KCTD1: variants seen among roughly 807,000 people sequenced by gnomAD.
The protein encoded by KCTD1 is potassium channel tetramerization domain containing 1.
KCTD1 carries 24 observed loss-of-function variants against 66.0 expected under a neutral mutation model. The observed-to-expected ratio is 0.36, with a 90% CI of 0.26 to 0.51. KCTD1 has a LOEUF of 0.51. Ranked by LOEUF, KCTD1 falls within the 20% of genes least tolerant of loss-of-function variation. KCTD1 has a pLI of 0.95. For missense variants in KCTD1, 943 were observed against 1,205.2 expected, an observed-to-expected ratio of 0.78 and a Z score of 3.22; for synonymous variants, 511 against 517.2, an observed-to-expected ratio of 0.99 and a Z score of 0.16.
chr18:26,595,509 A>G (rs1191619061), intron 1 of KCTD1, among the ~76,000 whole-genome samples: 3 of 152,160 alleles, frequency 2.0e-5, no homozygotes, highest in Non-Finnish European at 4.4e-5. Context: ...CTCGTGGGCG[A>G]TGTCCTTCCT....
chr18:26,558,391 T>C (rs1401977865), intron 1 of KCTD1, among the ~76,000 whole-genome samples: 2 of 152,116 alleles, frequency 1.3e-5, no homozygotes, highest in Non-Finnish European at 2.9e-5. Context: ...TGGAGAATAG[T>C]TTGGAGGTTC....
chr18:26,558,109 G>T (rs372086497), intron 1 of KCTD1, among the ~76,000 whole-genome samples: 1 of 152,194 alleles, frequency 6.6e-6, no homozygotes, highest in Non-Finnish European at 1.5e-5. Flanking sequence ...TGGAACTTGC[G>T]TGTGTTTCCA....
chr18:26,612,121 T>C (rs1598966381), intron 1 of KCTD1, among the ~76,000 whole-genome samples: 1 of 152,180 alleles, frequency 6.6e-6, no homozygotes, highest in Admixed American at 6.5e-5. Context: ...TTGGATAGTT[T>C]CCTCACATGC....
intron 1 of KCTD1, among the ~76,000 whole-genome samples, chr18:26,634,509 G>A (rs765549431): frequency 6.6e-6 from 1 of 152,100 alleles, no homozygotes. Flanking sequence ...TACACGGGGA[G>A]GGGAGGGAAG....
chr18:26,455,116 A>G lies in KCTD1; in HGVS notation c.*627T>C, dbSNP rs964245299. 2.0e-5 allele frequency: 3 copies of G among 152,282 alleles called. No individual in the cohort carries two copies. Among genetic ancestry groups the G allele is most frequent in the African/African-American group, 7.2e-5 (3 of 41,440 alleles). The allele number at this position is 152,282 out of a possible 1,614,324, so 9.4% of individuals were successfully genotyped here. A position where few individuals can be genotyped will look rare whatever the true frequency, so the allele number is the denominator to read the frequency against. ...AAACTGATCAGTTTTAAAACAAAGT[A>G]AAGTTCACATCTGTGAGGTGGACAA... On this transcript the variant is annotated 3_prime_UTR_variant, in exon 5 of 5. Coordinates refer to ENST00000580059, the MANE Select transcript of KCTD1 (RefSeq NM_001142730.3).
chr18:26,601,334 A>AAAAAG (rs1184053238), intron 1 of KCTD1, among the ~76,000 whole-genome samples: 1 of 150,728 alleles, frequency 6.6e-6, no homozygotes, highest in Non-Finnish European at 1.5e-5. Flanking sequence ...GGTAAAAAAA[A>AAAAAG]AAAAAAAAAA....
intron 1 of KCTD1, among the ~76,000 whole-genome samples, chr18:26,510,726 G>GT (rs556541964): frequency 6.6e-6 from 1 of 152,266 alleles, no homozygotes; most frequent in Admixed American, 6.5e-5. Context: ...AATTTCGCAT[G>GT]TTTTTTTAAA....
chr18:26,556,662 T>C (rs1985714267), intron 1 of KCTD1, among the ~76,000 whole-genome samples: 1 of 152,190 alleles, frequency 6.6e-6, no homozygotes, highest in Non-Finnish European at 1.5e-5. Context: ...GGCCTAGGTT[T>C]TTACATTAAC....
intron 1 of KCTD1, among the ~76,000 whole-genome samples, chr18:26,512,529 G>T (rs1437443061): frequency 6.6e-6 from 1 of 152,084 alleles, no homozygotes; most frequent in Non-Finnish European, 1.5e-5. Context: ...AAGTTCATTT[G>T]CTCATTTGTT....
intron 3 of KCTD1, among the ~76,000 whole-genome samples, chr18:26,470,666 C>A (rs151003415): frequency 1.3e-5 from 2 of 152,242 alleles, no homozygotes. Context: ...TTCCCACTCT[C>A]GTAGCTGGAA....
chr18:26,610,251 T>C (rs1987104719), intron 1 of KCTD1, among the ~76,000 whole-genome samples: 1 of 152,126 alleles, frequency 6.6e-6, no homozygotes, highest in Non-Finnish European at 1.5e-5. Flanking sequence ...TCCTTATGAA[T>C]AAACAATTTT....
chr18:26,521,760 C>G (rs766161385), intron 1 of KCTD1, among the ~76,000 whole-genome samples: 10 of 152,152 alleles, frequency 6.6e-5, no homozygotes, highest in Non-Finnish European at 1.5e-4. Context: ...AGAAAAGGTA[C>G]AGCTACAACT....
In KCTD1 at chr18:26,639,012, C is replaced by T. The variant is rs17680748; in HGVS notation, c.-107+1299G>A. 6.0e-3 allele frequency among the ~76,000 whole-genome samples: 910 copies of T among 152,246 alleles called. 3 individuals are homozygous for T. Among genetic ancestry groups the T allele is most frequent in the Non-Finnish European group, 9.6e-3 (651 of 68,018 alleles). ...TTCTACAGATGTCTGGAGATGCCCA[C>T]GGGACTGCGGCCCAGCCTGGAGACT... On this transcript the variant is annotated intron_variant, in intron 1 of 5. Transcript: ENST00000579973.
intron 1 of KCTD1, among the ~76,000 whole-genome samples, chr18:26,602,412 T>C (rs1014954492): frequency 1.3e-5 from 2 of 152,250 alleles, no homozygotes; most frequent in East Asian, 3.8e-4. Context: ...TGTCTTGTGA[T>C]GGCTTTATCT....
intron 1 of KCTD1, among the ~76,000 whole-genome samples, chr18:26,513,153 T>C (rs1447534238): frequency 6.7e-6 from 1 of 149,082 alleles, no homozygotes. Flanking sequence ...AATGGCGCCA[T>C]CTCGGTTCAC....
chr18:26,644,774 G>C (rs1987901623), upstream of KCTD1, among the ~76,000 whole-genome samples: 1 of 151,638 alleles, frequency 6.6e-6, no homozygotes. Context: ...AAAAGAGAGA[G>C]AGAGAGAGAG....
At chr18:26,502,473 G>A (rs1055538659) in intron 1 of KCTD1, among the ~76,000 whole-genome samples, 26 of 152,148 alleles carry the variant, frequency 1.7e-4, no homozygotes, top group Admixed American at 1.6e-3. Context: ...GATTACAGGC[G>A]TGAACCACCT....
At chr18:26,482,275 G>A (rs527466751) in intron 2 of KCTD1, among the ~76,000 whole-genome samples, 29 of 152,302 alleles carry the variant, frequency 1.9e-4, no homozygotes, top group African/African-American at 6.0e-4. Flanking sequence ...TCTTTAAAAT[G>A]AGGTCAAGGA....
intron 1 of KCTD1, chr18:26,566,797 A>G (rs1182435440): frequency 6.7e-6 from 1 of 149,840 alleles, no homozygotes; most frequent in Non-Finnish European, 1.5e-5. Flanking sequence ...GGATTAGACA[A>G]CAGTCCCCAA....
Sources: gnomAD v4.1 joint callset for allele counts (sites outside exome capture counted in the v4.1 genomes callset) on GRCh38, gnomAD v4.1.1 for gene constraint, MANE v1.5 for transcripts, NCBI Gene and HGNC (gene_info 2026-07-23, HGNC 2026-07-21) for gene names.